DEK: variants seen among roughly 807,000 people sequenced by gnomAD.
DEK encodes protein DEK.
A neutral mutation model predicts 46.8 loss-of-function variants in DEK; 28 were observed. That is an observed-to-expected ratio of 0.60 (90% CI 0.44 to 0.82). DEK has a LOEUF of 0.82. Among genes scored for constraint, DEK ranks in the 40% least tolerant of loss-of-function variants. The pLI is 0.00. For synonymous variants in DEK, 160 were observed against 144.5 expected, an observed-to-expected ratio of 1.11 and a Z score of -0.77; for missense variants, 416 against 430.6, an observed-to-expected ratio of 0.97 and a Z score of 0.30.
In DEK at chr6:18,264,204, CGCGCCCGCTGCCCCGCGT is replaced by C. The variant is rs533901360; in HGVS notation, c.-10+163_-10+180del. 7.0e-3 allele frequency: 2,745 copies of C among 394,688 alleles called. 18 individuals are homozygous for C. Among genetic ancestry groups the C allele is most frequent in the Admixed American group, 0.01 (214 of 21,318 alleles). The allele number at this position is 394,688 out of a possible 1,614,324, so 24.4% of individuals were successfully genotyped here. A position where few individuals can be genotyped will look rare whatever the true frequency, so the allele number is the denominator to read the frequency against. On this transcript the variant is annotated intron_variant, in intron 1 of 10. Transcript: ENST00000652689. ...TCCAGGGATTCCCGAGGCGGGAAAC[CGCGCCCGCTGCCCCGCGT>C]GCGCGCGCGCCCGCCCGGCCTGCGC...
At chr6:18,244,382 C>T (rs1791023090) in intron 7 of DEK, 2 of 386,338 alleles carry the variant, frequency 5.2e-6, no homozygotes, top group African/African-American at 4.2e-5. Context: ...ATCAGTAATA[C>T]AGAAGTTTCA....
Position 18,256,442 on chromosome 6 carries a change from T to C in DEK, c.371A>G (p.Lys124Arg). The C allele has an allele frequency of 6.2e-7, 1 of 1,612,852 alleles. No individual in the cohort carries two copies. The highest frequency in any genetic ancestry group is 8.5e-7 in the Non-Finnish European group (1 of 1,179,412). ...GCCACTGAACTGACCCACATTCTTC[T>C]TTAATGAGGACACCTGAAAATGTTC... is the stretch of plus-strand genomic sequence containing the variant. ...YNRPGTVSSL[K>R]KNVGQFSGFP... Residue 124 changes from lysine to arginine, a missense_variant, in exon 5 of 11, where the codon AAG becomes AGG. Physicochemically the swap from Lys to Arg is conservative, Grantham distance 26. Coordinates refer to ENST00000652689, the MANE Select transcript of DEK (RefSeq NM_003472.4).
At chr6:18,257,135 A>G (rs1025666238) in intron 4 of DEK, among the ~76,000 whole-genome samples, 3 of 152,144 alleles carry the variant, frequency 2.0e-5, no homozygotes, top group African/African-American at 7.2e-5. Context: ...CTATCATCCA[A>G]TTTATCAGGT....
intron 2 of DEK, among the ~76,000 whole-genome samples, chr6:18,260,573 A>C (rs1255830593): frequency 6.6e-6 from 1 of 152,168 alleles, no homozygotes; most frequent in Non-Finnish European, 1.5e-5. Context: ...CATTTCTCTC[A>C]CTTCCCTTTT....
chr6:18,242,955 G>A (rs12111082), intron 7 of DEK, among the ~76,000 whole-genome samples: 4,612 of 152,182 alleles, frequency 0.03, 237 homozygotes, highest in African/African-American at 0.1. Context: ...TGCAGGATAA[G>A]TGCTTAGTTA....
chr6:18,245,083 C>T (rs1791049150), intron 7 of DEK, among the ~76,000 whole-genome samples: 1 of 152,182 alleles, frequency 6.6e-6, no homozygotes, highest in Non-Finnish European at 1.5e-5. Context: ...GCTTCTCTTG[C>T]AGTTAGGTGG....
intron 8 of DEK, chr6:18,237,088 C>G: frequency 3.7e-6 from 1 of 268,160 alleles, no homozygotes; most frequent in Non-Finnish European, 6.9e-6. Context: ...AAATATTAAA[C>G]TACCTTCAGG....
chr6:18,259,246 T>C (rs546742132), intron 2 of DEK, among the ~76,000 whole-genome samples: 8 of 150,936 alleles, frequency 5.3e-5, no homozygotes, highest in African/African-American at 1.7e-4. Flanking sequence ...ATACAAAAAA[T>C]TAGCCAGGTG....
chr6:18,252,879 G>A (rs960052651), intron 6 of DEK, among the ~76,000 whole-genome samples: 1 of 152,144 alleles, frequency 6.6e-6, no homozygotes, highest in Non-Finnish European at 1.5e-5. Flanking sequence ...CCACACACCA[G>A]CAGAAACAAA....
chr6:18,257,260 T>C (rs1178670003), intron 4 of DEK, among the ~76,000 whole-genome samples: 7 of 152,294 alleles, frequency 4.6e-5, no homozygotes, highest in African/African-American at 1.7e-4. Context: ...ATATGTATGA[T>C]CTCATACAAA....
chr6:18,260,562 T>C (rs1791812144), intron 2 of DEK, among the ~76,000 whole-genome samples: 1 of 152,222 alleles, frequency 6.6e-6, no homozygotes, highest in Non-Finnish European at 1.5e-5. Flanking sequence ...CTTTTACTAG[T>C]CATTTCTCTC....
chr6:18,241,235 G>C (rs900183184), intron 7 of DEK, among the ~76,000 whole-genome samples: 3 of 152,224 alleles, frequency 2.0e-5, no homozygotes, highest in African/African-American at 7.2e-5. Context: ...CTTGGTATTA[G>C]GACACAATGG....
chr6:18,260,410 A>C (rs1791804585), intron 2 of DEK, among the ~76,000 whole-genome samples: 1 of 152,206 alleles, frequency 6.6e-6, no homozygotes, highest in African/African-American at 2.4e-5. Context: ...GACAGCTACA[A>C]TTCATGTCCT....
At chr6:18,254,677 T>C (rs991408818) in intron 6 of DEK, among the ~76,000 whole-genome samples, 2 of 152,106 alleles carry the variant, frequency 1.3e-5, no homozygotes, top group Non-Finnish European at 2.9e-5. Flanking sequence ...TAAAAATATC[T>C]GTCATAACAA....
intron 7 of DEK, among the ~76,000 whole-genome samples, chr6:18,239,293 A>G (rs1371956256): frequency 6.7e-6 from 1 of 149,240 alleles, no homozygotes; most frequent in South Asian, 2.1e-4. Context: ...ATACACATCA[A>G]TCTGTTCCAA....
intron 9 of DEK, among the ~76,000 whole-genome samples, chr6:18,229,399 G>A (rs1211569837): frequency 6.6e-6 from 1 of 152,166 alleles, no homozygotes; most frequent in African/African-American, 2.4e-5. Context: ...TTGATGAGTT[G>A]AGAGAAGGCT....
At position 18,225,316 on chromosome 6, in the gene DEK, TAA is replaced by T. The variant is rs1469893629; in HGVS notation, c.*401_*402del. 11 of 237,468 alleles carry T rather than the reference TAA, an allele frequency of 4.6e-5. No individual in the cohort carries two copies. Among genetic ancestry groups the T allele is most frequent in the African/African-American group, 2.4e-4 (11 of 45,456 alleles). The allele number at this position is 237,468 out of a possible 1,614,324, so 14.7% of individuals were successfully genotyped here. A position where few individuals can be genotyped will look rare whatever the true frequency, so the allele number is the denominator to read the frequency against. On this transcript the variant is annotated 3_prime_UTR_variant, in exon 11 of 11. Coordinates refer to ENST00000652689, the MANE Select transcript of DEK (RefSeq NM_003472.4). ...TGTGTATTCAAAATATTTCATATACTAAATACTACAATCTCTGTATGTATAAA... is the reference window on the plus strand; with the variant it reads ...TGTGTATTCAAAATATTTCATATACTATACTACAATCTCTGTATGTATAAA...
chr6:18,226,030 G>T, intron 10 of DEK, 144 bp downstream of exon 10: 1 of 850,050 alleles, frequency 1.2e-6, no homozygotes, highest in East Asian at 3.2e-5. Context: ...GGAATGAGAA[G>T]AAATAAATTT....
intron 7 of DEK, among the ~76,000 whole-genome samples, chr6:18,239,240 A>G (rs540280839): frequency 1.9e-4 from 29 of 152,058 alleles, no homozygotes; most frequent in African/African-American, 7.0e-4. Context: ...ACCTGTTTTT[A>G]AAGACATAAG....
Sources: gnomAD v4.1 joint callset for allele counts (sites outside exome capture counted in the v4.1 genomes callset) on GRCh38, gnomAD v4.1.1 for gene constraint, MANE v1.5 for transcripts, NCBI Gene and HGNC (gene_info 2026-07-23, HGNC 2026-07-21) for gene names.